Variants in ASH1L observed in about 807,000 individuals in gnomAD.
ASH1L encodes the protein ASH1 like histone lysine methyltransferase, also known as histone-lysine N-methyltransferase ASH1L.
In ASH1L, 23 loss-of-function variants were observed where a neutral mutation model predicts 269.0. That is an observed-to-expected ratio of 0.09 (90% CI 0.06 to 0.12). The LOEUF (loss-of-function observed/expected upper bound fraction) is 0.12. Among genes scored for constraint, ASH1L ranks in the 10% least tolerant of loss-of-function variants. The pLI is 1.00. For synonymous variants in ASH1L, 1,187 were observed against 1,253.5 expected, an observed-to-expected ratio of 0.95 and a Z score of 1.12; for missense variants, 2,912 against 3,567.8, an observed-to-expected ratio of 0.82 and a Z score of 4.68.
chr1:155,549,072 T>C (rs867805560), intron 1 of ASH1L, among the ~76,000 whole-genome samples: 1 of 152,168 alleles, frequency 6.6e-6, no homozygotes, highest in Admixed American at 6.6e-5. Context: ...TATATTTACA[T>C]AGCATTTACA....
At chr1:155,341,131 C>T (rs1373954591) in intron 25 of ASH1L, among the ~76,000 whole-genome samples, 8 of 150,228 alleles carry the variant, frequency 5.3e-5, no homozygotes, top group Non-Finnish European at 4.4e-5. Context: ...GCCACCACAC[C>T]TGGCTAATTT....
At chr1:155,469,356 T>C (rs974040802) in intron 3 of ASH1L, among the ~76,000 whole-genome samples, 2 of 152,046 alleles carry the variant, frequency 1.3e-5, no homozygotes, top group South Asian at 2.1e-4. Context: ...CTATTATTTG[T>C]ATTTTTAGTA....
chr1:155,521,693 G>T, intron 1 of ASH1L, 75 bp from the exon 2 acceptor site: 1 of 512,380 alleles, frequency 2.0e-6, no homozygotes, highest in Non-Finnish European at 3.3e-6. Context: ...GGGTATAGGG[G>T]AAGACAAGGA....
At chr1:155,493,215 G>C (rs2148770508) in intron 2 of ASH1L, among the ~76,000 whole-genome samples, 1 of 152,136 alleles carries the variant, frequency 6.6e-6, no homozygotes, top group South Asian at 2.1e-4. Context: ...CTTTTCATCG[G>C]ACTGTTTTTC....
chr1:155,460,569 TTGCAC>T (rs1213564703), intron 3 of ASH1L, among the ~76,000 whole-genome samples: 1 of 152,050 alleles, frequency 6.6e-6, no homozygotes, highest in Non-Finnish European at 1.5e-5. Context: ...GATTGCGCCA[TTGCAC>T]TGCAGCCTGG....
intron 21 of ASH1L, among the ~76,000 whole-genome samples, chr1:155,345,236 A>G (rs1653167114): frequency 7.8e-6 from 1 of 127,916 alleles, no homozygotes; most frequent in Non-Finnish European, 1.6e-5. Context: ...GCTAGAGTGC[A>G]GTGGCGTGAT....
At chr1:155,363,435 G>T (rs1022114705) in intron 12 of ASH1L, among the ~76,000 whole-genome samples, 5 of 151,626 alleles carry the variant, frequency 3.3e-5, no homozygotes, top group Non-Finnish European at 7.4e-5. Context: ...GTAAAGACAG[G>T]GTTTAGCCAT....
rs531078260 is a variant in ASH1L, at chr1:155,551,386, C to A, written c.-100+10767G>T. On this transcript the variant is annotated intron_variant, in intron 1 of 27. Coordinates refer to ENST00000392403, the MANE Select transcript of ASH1L (RefSeq NM_018489.3). ...TCTATCTTAAGAATCTACGGCCGGGCGCAGTGGCTCACGCCTGTAATCCCA... is the reference window on the plus strand; with the variant it reads ...TCTATCTTAAGAATCTACGGCCGGGAGCAGTGGCTCACGCCTGTAATCCCA... Among the ~76,000 whole-genome samples, 80 of 152,210 alleles carry A rather than the reference C, an allele frequency of 5.3e-4. 1 individual carries two copies. Among genetic ancestry groups the A allele is most frequent in the African/African-American group, 1.9e-3 (79 of 41,544 alleles).
At chr1:155,377,682 T>C (rs911080557) in intron 10 of ASH1L, among the ~76,000 whole-genome samples, 6 of 152,178 alleles carry the variant, frequency 3.9e-5, no homozygotes, top group African/African-American at 1.2e-4. Context: ...GAAGGTAAGG[T>C]ATTACTTTTA....
chr1:155,347,012 T>C (rs546779484), intron 20 of ASH1L, among the ~76,000 whole-genome samples: 4 of 152,346 alleles, frequency 2.6e-5, no homozygotes, highest in Middle Eastern at 3.4e-3. Flanking sequence ...GAGTGTATTA[T>C]CACTAATGAT....
intron 3 of ASH1L, among the ~76,000 whole-genome samples, chr1:155,467,989 G>T (rs1260487392): frequency 6.6e-6 from 1 of 152,048 alleles, no homozygotes; most frequent in Admixed American, 6.6e-5. Context: ...TCACAACCAA[G>T]AAATTAATAT....
At chr1:155,338,444 T>C (rs1652500745) in intron 26 of ASH1L, 54 bp from the exon 27 acceptor site, 1 of 1,555,014 alleles carries the variant, frequency 6.4e-7, no homozygotes, top group African/African-American at 1.4e-5. Flanking sequence ...GAAAAGGGGA[T>C]GAAGGGTAGG....
chr1:155,437,666 G>A (rs1019154109), intron 5 of ASH1L, among the ~76,000 whole-genome samples: 5 of 152,188 alleles, frequency 3.3e-5, no homozygotes, highest in Admixed American at 2.0e-4. Flanking sequence ...TCATAGCGGC[G>A]TTACGGCATG....
intron 5 of ASH1L, among the ~76,000 whole-genome samples, chr1:155,419,060 A>T (rs12734374): frequency 0.033 from 4,994 of 151,934 alleles, 148 homozygotes; most frequent in African/African-American, 0.076. Flanking sequence ...ATAAATAAAT[A>T]AATTAATTAA....
In ASH1L at chr1:155,479,027, A is replaced by G. The variant is rs1665768083; in HGVS notation, c.3843T>C (p.Asn1281=). ...KRKKKYPQLR[N]RQDPDFIAEL... ...CTGCAATAAAGTCTGGATCCTGTCTATTTCGAAGCTGGGGATATTTCTTTT... is the reference window on the plus strand; with the variant it reads ...CTGCAATAAAGTCTGGATCCTGTCTGTTTCGAAGCTGGGGATATTTCTTTT... The change falls in exon 3 of 28, where the codon AAT becomes AAC. Residue 1281 remains asparagine, a synonymous_variant. Transcript: ENST00000392403. 6.2e-7 allele frequency: 1 copy of G among 1,613,560 alleles called. No individual in the cohort carries two copies. The highest frequency in any genetic ancestry group is 1.3e-5 in the African/African-American group (1 of 74,834).
chr1:155,415,702 T>C, intron 6 of ASH1L, 42 bp downstream of exon 6: 1 of 1,570,786 alleles, frequency 6.4e-7, no homozygotes, highest in Non-Finnish European at 8.7e-7. Context: ...TTTCCAAATG[T>C]GGAAGAAAAA....
At chr1:155,360,079 A>G (rs925835580) in intron 13 of ASH1L, among the ~76,000 whole-genome samples, 27 of 151,794 alleles carry the variant, frequency 1.8e-4, no homozygotes, top group African/African-American at 6.5e-4. Flanking sequence ...TTTGATAGAC[A>G]GGGTTTTGTC....
chr1:155,467,640 C>T (rs1046901786), intron 3 of ASH1L, among the ~76,000 whole-genome samples: 1 of 152,060 alleles, frequency 6.6e-6, no homozygotes, highest in African/African-American at 2.4e-5. Context: ...ATGCCTTGGT[C>T]CAAGCTACAC....
Position 155,479,599 on chromosome 1 carries a change from G to A in ASH1L, c.3271C>T (p.Pro1091Ser), listed in dbSNP as rs775979198. 1.7e-5 allele frequency: 28 copies of A among 1,614,070 alleles called. No individual in the cohort carries two copies. Among genetic ancestry groups the A allele is most frequent in the Admixed American group, 3.3e-5 (2 of 60,002 alleles). ...CTACTAGCAGATGAAGGCAGTAATG[G>A]GGGAAGAATCTGTCCTAATGCTGAC... ...AGSALGQILP[P>S]LLPSSASSSE... Residue 1091 changes from proline (P) to serine (S), a missense_variant, in exon 3 of 28, where the codon CCA becomes TCA. By Grantham distance (74) the Pro-to-Ser change is moderately conservative (BLOSUM62 -1). Transcript: ENST00000392403.
Sources: gnomAD v4.1 joint callset for allele counts (sites outside exome capture counted in the v4.1 genomes callset) on GRCh38, gnomAD v4.1.1 for gene constraint, MANE v1.5 for transcripts, NCBI Gene and HGNC (gene_info 2026-07-23, HGNC 2026-07-21) for gene names.